Variants in PIBF1 observed in about 807,000 individuals in gnomAD.
The protein encoded by PIBF1 is progesterone immunomodulatory binding factor 1.
In PIBF1, 90 loss-of-function variants were observed where a neutral mutation model predicts 112.5. The observed-to-expected ratio is 0.80, with a 90% CI of 0.67 to 0.95. PIBF1 has a LOEUF of 0.95. PIBF1 is among the 40% of genes least tolerant of loss of function. PIBF1 has a pLI of 0.00. For synonymous variants in PIBF1, 301 were observed against 288.6 expected, an observed-to-expected ratio of 1.04 and a Z score of -0.44; for missense variants, 915 against 852.3, an observed-to-expected ratio of 1.07 and a Z score of -0.92.
At chr13:72,958,745 ATAATGT>A (rs1461934997) in intron 14 of PIBF1, among the ~76,000 whole-genome samples, 1 of 152,224 alleles carries the variant, frequency 6.6e-6, no homozygotes, top group Non-Finnish European at 1.5e-5. Flanking sequence ...GTTAAAGATG[ATAATGT>A]TAATCACGTG....
At chr13:72,802,724 A>T (rs570045104) in intron 5 of PIBF1, among the ~76,000 whole-genome samples, 1 of 152,318 alleles carries the variant, frequency 6.6e-6, no homozygotes, top group East Asian at 1.9e-4. Context: ...GTGGATATAC[A>T]GGTGTGAACT....
At chr13:72,987,862 T>A (rs9530128) in intron 16 of PIBF1, among the ~76,000 whole-genome samples, 1,118 of 87,010 alleles carry the variant, frequency 0.013, 19 homozygotes, top group African/African-American at 0.053. Context: ...TTATTTATTT[T>A]TTTTTTTTTT....
chr13:72,901,277 T>C (rs183376823), intron 11 of PIBF1, among the ~76,000 whole-genome samples: 1 of 152,128 alleles, frequency 6.6e-6, no homozygotes, highest in Admixed American at 6.5e-5. Context: ...AAAGAAGATA[T>C]ACAAATGGCA....
At chr13:72,903,188 C>T (rs866713010) in intron 11 of PIBF1, among the ~76,000 whole-genome samples, 16 of 152,056 alleles carry the variant, frequency 1.1e-4, no homozygotes, top group Admixed American at 2.6e-4. Context: ...CGTGAGCCAC[C>T]GCGCCCAGCC....
In PIBF1 at chr13:72,996,341, C is replaced by G. The variant is rs530597709; in HGVS notation, c.2050-2481C>G. Among the ~76,000 whole-genome samples the G allele has an allele frequency of 4.6e-5, 7 of 151,296 alleles. No individual in the cohort carries two copies. In the South Asian group the frequency reaches 1.3e-3, roughly 27 times the overall value. ...TAAACATACACAAACCCTTATCAGACTGGCAAAAATCCTAAAAGGTAACAG... is the reference window on the plus strand; with the variant it reads ...TAAACATACACAAACCCTTATCAGAGTGGCAAAAATCCTAAAAGGTAACAG... On this transcript the variant is annotated intron_variant, in intron 16 of 17. Coordinates refer to ENST00000326291, the MANE Select transcript of PIBF1 (RefSeq NM_006346.4).
At chr13:72,783,194 T>C (rs2034387635) in intron 1 of PIBF1, among the ~76,000 whole-genome samples, 3 of 152,240 alleles carry the variant, frequency 2.0e-5, no homozygotes, top group African/African-American at 7.2e-5. Context: ...CCAAGTAAGA[T>C]TCCTCCCCGC....
chr13:72,873,803 A>G (rs2039274652), intron 10 of PIBF1, among the ~76,000 whole-genome samples: 1 of 152,210 alleles, frequency 6.6e-6, no homozygotes, highest in African/African-American at 2.4e-5. Flanking sequence ...CTGTTAATAA[A>G]GGAGAAAGAC....
chr13:72,927,994 C>CACATATATATACATATATAT (rs1286319056), intron 13 of PIBF1, among the ~76,000 whole-genome samples: 6 of 79,952 alleles, frequency 7.5e-5, no homozygotes, highest in Admixed American at 6.0e-4. Flanking sequence ...TATATACACA[C>CACATATATATACATATATAT]ACATATATAT....
chr13:73,013,382 G>T (rs1231554757), intron 17 of PIBF1, among the ~76,000 whole-genome samples: 1 of 148,254 alleles, frequency 6.7e-6, no homozygotes, highest in Non-Finnish European at 1.5e-5. Flanking sequence ...ATTTGAAACG[G>T]TGACAGAATT....
intron 16 of PIBF1, among the ~76,000 whole-genome samples, chr13:72,995,488 A>G (rs534652592): frequency 6.6e-6 from 1 of 152,240 alleles, no homozygotes; most frequent in South Asian, 2.1e-4. Flanking sequence ...TAAATAATAT[A>G]CTTACAGCAG....
chr13:72,854,211 T>A (rs565792389), intron 10 of PIBF1, 56 bp downstream of exon 10: 1 of 1,117,370 alleles, frequency 8.9e-7, no homozygotes, highest in East Asian at 2.4e-5. Context: ...TTCTGTTACA[T>A]ATTCTTTTAG....
rs746070911 is a variant in PIBF1 at position 72,821,853 on chromosome 13, A to G, written c.677A>G (p.Tyr226Cys). ...TATTATTCCTTTGGTTTATAGACAT[A>G]TGAGGAAGATCGAAAAAACTACTCT... The part of the protein sequence containing the change: ...KNQLKQLTET[Y>C]EEDRKNYSEV... Residue 226 changes from tyrosine (Y) to cysteine (C), a missense_variant, in exon 6 of 18, where the codon TAT (tyrosine) becomes TGT (cysteine). Coordinates refer to ENST00000326291, the MANE Select transcript of PIBF1 (RefSeq NM_006346.4). The G allele has an allele frequency of 1.2e-6, 2 of 1,610,306 alleles. No homozygotes were observed. Among genetic ancestry groups the G allele is most frequent in the Non-Finnish European group, 1.7e-6 (2 of 1,177,756 alleles).
intron 11 of PIBF1, among the ~76,000 whole-genome samples, chr13:72,902,551 GA>G (rs1289646505): frequency 6.6e-6 from 1 of 151,764 alleles, no homozygotes; most frequent in African/African-American, 2.4e-5. Flanking sequence ...AAAATGGAAA[GA>G]AAAAAAGCTG....
intron 5 of PIBF1, 140 bp downstream of exon 5, chr13:72,798,166 G>C: frequency 1.3e-6 from 1 of 794,250 alleles, no homozygotes; most frequent in Non-Finnish European, 1.9e-6. Context: ...TCAATAATGG[G>C]AAGGAGGTTA....
chr13:72,952,450 A>G (rs1402436688), intron 14 of PIBF1, among the ~76,000 whole-genome samples: 1 of 151,724 alleles, frequency 6.6e-6, no homozygotes. Context: ...AGTATTTCAA[A>G]TTATTTATCT....
At chr13:72,960,739 A>G (rs1166380052) in intron 14 of PIBF1, among the ~76,000 whole-genome samples, 1 of 152,212 alleles carries the variant, frequency 6.6e-6, no homozygotes, top group East Asian at 1.9e-4. Flanking sequence ...AGCCAAGGCA[A>G]TTGTTTGATT....
At chr13:72,821,815 G>T (rs1223604483) in intron 5 of PIBF1, 34 bp from the exon 6 acceptor site, 1 of 1,561,308 alleles carries the variant, frequency 6.4e-7, no homozygotes, top group Admixed American at 1.8e-5. Context: ...TAAGTGTTTA[G>T]TCTGAAATGT....
At chr13:73,013,323 AAAAG>A (rs2044273900) in intron 17 of PIBF1, among the ~76,000 whole-genome samples, 1 of 146,354 alleles carries the variant, frequency 6.8e-6, no homozygotes, top group Non-Finnish European at 1.5e-5. Flanking sequence ...AAAAAAAAAA[AAAAG>A]AAAATATTAG....
At chr13:72,864,021 A>T (rs1227507020) in intron 10 of PIBF1, among the ~76,000 whole-genome samples, 1 of 152,246 alleles carries the variant, frequency 6.6e-6, no homozygotes, top group Non-Finnish European at 1.5e-5. Flanking sequence ...TTAATTGCTT[A>T]TTATGGTTCC....
Sources: gnomAD v4.1 joint callset for allele counts (sites outside exome capture counted in the v4.1 genomes callset) on GRCh38, gnomAD v4.1.1 for gene constraint, MANE v1.5 for transcripts, NCBI Gene and HGNC (gene_info 2026-07-23, HGNC 2026-07-21) for gene names.